The following ASIC2 variants were observed in gnomAD, a reference collection of about 807,000 sequenced individuals.
ASIC2 encodes acid-sensing ion channel 2.
ASIC2 carries 25 observed loss-of-function variants against 57.3 expected under a neutral mutation model. The observed-to-expected ratio is 0.44, with a 90% confidence interval of 0.32 to 0.61. ASIC2 has a LOEUF of 0.61. ASIC2 is among the 20% of genes least tolerant of loss of function. The pLI, the probability that ASIC2 is intolerant of heterozygous loss-of-function variation, is 0.06. For synonymous variants in ASIC2, 319 were observed against 307.5 expected, an observed-to-expected ratio of 1.04 and a Z score of -0.39; for missense variants, 641 against 738.1, an observed-to-expected ratio of 0.87 and a Z score of 1.52.
chr17:33,104,171 T>A (rs1346544167), intron 2 of ASIC2, among the ~76,000 whole-genome samples: 1 of 152,180 alleles, frequency 6.6e-6, no homozygotes, highest in African/African-American at 2.4e-5. Context: ...TCTCCCATCC[T>A]CTTTGTCCTT....
At chr17:33,938,041 T>C (rs941188075) in intron 1 of ASIC2, among the ~76,000 whole-genome samples, 21 of 152,208 alleles carry the variant, frequency 1.4e-4, no homozygotes, top group African/African-American at 5.1e-4. Context: ...TTTAAGTTTA[T>C]TTCCTCCTTT....
At chr17:33,477,706 T>C (rs114836985) in intron 1 of ASIC2, among the ~76,000 whole-genome samples, 7 of 152,170 alleles carry the variant, frequency 4.6e-5, no homozygotes, top group African/African-American at 1.4e-4. Flanking sequence ...CACTCTTGAA[T>C]AGGGAAGACA....
At chr17:34,155,700 G>C (rs1416573765) in intron 1 of ASIC2, 1 of 436,278 alleles carries the variant, frequency 2.3e-6, no homozygotes, top group Admixed American at 4.1e-5. Flanking sequence ...CCTCTGACTG[G>C]GAGGAAGCCA....
At chr17:33,227,539 T>C (rs1168978494) in intron 1 of ASIC2, among the ~76,000 whole-genome samples, 1 of 152,146 alleles carries the variant, frequency 6.6e-6, no homozygotes, top group Non-Finnish European at 1.5e-5. Context: ...GCTGTAACTG[T>C]GAAGCCAAGG....
At chr17:33,109,912 T>C (rs1224454601) in intron 2 of ASIC2, among the ~76,000 whole-genome samples, 1 of 152,136 alleles carries the variant, frequency 6.6e-6, no homozygotes, top group East Asian at 1.9e-4. Context: ...ATCTGTGGCT[T>C]TGAGGCAGAA....
chr17:34,095,609 ATATATATATATATATATATAATTT>A (rs879492786), intron 1 of ASIC2, among the ~76,000 whole-genome samples: 15,123 of 112,360 alleles, frequency 0.13, 984 homozygotes, highest in African/African-American at 0.23. Context: ...GGCAAATTTT[ATATATATATATATATATATAATTT>A]TATATATATA....
chr17:33,345,629 T>G (rs1464412075), intron 1 of ASIC2, among the ~76,000 whole-genome samples: 2 of 152,176 alleles, frequency 1.3e-5, no homozygotes, highest in African/African-American at 4.8e-5. Context: ...GAGGTTTACA[T>G]ATTCAAGTTG....
chr17:34,082,660 C>A (rs548812254), intron 1 of ASIC2, among the ~76,000 whole-genome samples: 1 of 152,342 alleles, frequency 6.6e-6, no homozygotes, highest in African/African-American at 2.4e-5. Context: ...ACAGTTTCCA[C>A]TTACTGAACA....
At chr17:33,407,860 T>C (rs1469416072) in intron 1 of ASIC2, among the ~76,000 whole-genome samples, 1 of 152,186 alleles carries the variant, frequency 6.6e-6, no homozygotes, top group African/African-American at 2.4e-5. Flanking sequence ...AACTTAGGTA[T>C]TGGATCAAAT....
At chr17:33,102,662 C>T (rs1405605171) in intron 2 of ASIC2, among the ~76,000 whole-genome samples, 1 of 152,128 alleles carries the variant, frequency 6.6e-6, no homozygotes, top group Non-Finnish European at 1.5e-5. Flanking sequence ...TTATTTTTCT[C>T]TCACTTTCTA....
At chr17:33,424,466 TAAAAGA>T (rs1456306244) in intron 1 of ASIC2, among the ~76,000 whole-genome samples, 1 of 152,082 alleles carries the variant, frequency 6.6e-6, no homozygotes, top group Non-Finnish European at 1.5e-5. Context: ...CTGGAGGAAT[TAAAAGA>T]AAAAGTGTAA....
At chr17:34,000,888 T>G (rs1464968050) in intron 1 of ASIC2, 1 of 152,208 alleles carries the variant, frequency 6.6e-6, no homozygotes, top group Non-Finnish European at 1.5e-5. Context: ...GTTTAGTTAC[T>G]GTGTTTCTCA....
At chr17:33,139,499 GC>G (rs887001135) in intron 1 of ASIC2, among the ~76,000 whole-genome samples, 1 of 152,180 alleles carries the variant, frequency 6.6e-6, no homozygotes, top group African/African-American at 2.4e-5. Context: ...TTTGGGCACA[GC>G]CCCCCACAAC....
At chr17:33,728,164 C>A (rs1235755166) in intron 1 of ASIC2, among the ~76,000 whole-genome samples, 3 of 152,124 alleles carry the variant, frequency 2.0e-5, no homozygotes, top group Non-Finnish European at 4.4e-5. Context: ...CTGAAGACTC[C>A]AAGAGGGCTA....
chr17:33,701,080 A>C (rs1908683399), intron 1 of ASIC2, among the ~76,000 whole-genome samples: 1 of 152,216 alleles, frequency 6.6e-6, no homozygotes, highest in African/African-American at 2.4e-5. Flanking sequence ...TTTGATGTAC[A>C]GTTCCCAAAG....
chr17:34,050,300 A>C (rs1024510605), intron 1 of ASIC2, among the ~76,000 whole-genome samples: 2 of 152,218 alleles, frequency 1.3e-5, no homozygotes, highest in African/African-American at 4.8e-5. Context: ...ATTTTTTACA[A>C]CTTCAAAAGC....
At chr17:33,740,991 T>G (rs1159508239) in intron 1 of ASIC2, among the ~76,000 whole-genome samples, 1 of 152,212 alleles carries the variant, frequency 6.6e-6, no homozygotes, top group Non-Finnish European at 1.5e-5. Context: ...CTCTCTCGGC[T>G]ATTACCTCCT....
chr17:33,797,768 G>T (rs1372956523), intron 1 of ASIC2, among the ~76,000 whole-genome samples: 3 of 152,184 alleles, frequency 2.0e-5, no homozygotes, highest in Non-Finnish European at 4.4e-5. Flanking sequence ...TGAAATGTGG[G>T]CATGTTCCGC....
Position 33,348,036 on chromosome 17 carries a change from A to T in ASIC2, c.556-235969T>A, listed in dbSNP as rs1315186450. On this transcript the variant is annotated intron_variant, in intron 1 of 9. Transcript: ENST00000359872. ...AGAATCGCTTGAACCCAGGAAGTAG[A>T]GGTTGCAGTGAGCCGAGATGGCACT... Among the ~76,000 whole-genome samples, 5 of 152,174 alleles carry T rather than the reference A, an allele frequency of 3.3e-5. No individual in the cohort carries two copies. In the South Asian group the frequency reaches 1.0e-3, roughly 32 times the overall value.
Sources: gnomAD v4.1 joint callset for allele counts (sites outside exome capture counted in the v4.1 genomes callset) on GRCh38, gnomAD v4.1.1 for gene constraint, MANE v1.5 for transcripts, NCBI Gene and HGNC (gene_info 2026-07-23, HGNC 2026-07-21) for gene names.